Variants in WDR25 observed in about 807,000 individuals in gnomAD.
WDR25 encodes the protein WD repeat domain 25.
Under a neutral mutation model 47.7 loss-of-function variants are expected in WDR25, and 35 were observed. That is an observed-to-expected ratio of 0.73 (90% confidence interval 0.56 to 0.97). The LOEUF is 0.97. WDR25 is among the 50% of genes least tolerant of loss of function. The pLI is 0.00. For synonymous variants in WDR25, 248 were observed against 278.9 expected (o/e 0.89, Z 1.10); for missense variants, 634 against 704.7 (o/e 0.90, Z 1.14).
intron 2 of WDR25, among the ~76,000 whole-genome samples, chr14:100,406,222 T>A (rs1897534647): frequency 6.6e-6 from 1 of 152,210 alleles, no homozygotes; most frequent in Non-Finnish European, 1.5e-5. Context: ...AGCAGTCGGC[T>A]TCGGAGGCCC....
At chr14:100,487,049 C>T (rs1900411091) in intron 4 of WDR25, among the ~76,000 whole-genome samples, 1 of 151,920 alleles carries the variant, frequency 6.6e-6, no homozygotes, top group African/African-American at 2.4e-5. Context: ...TTTGTATACG[C>T]AATTTTGTGT....
At chr14:100,384,419 G>A (rs555194083) in intron 2 of WDR25, among the ~76,000 whole-genome samples, 36 of 152,290 alleles carry the variant, frequency 2.4e-4, no homozygotes, top group African/African-American at 8.2e-4. Context: ...AAGACAGATT[G>A]GGAACCGGCG....
intron 4 of WDR25, among the ~76,000 whole-genome samples, chr14:100,514,020 C>G (rs1456720840): frequency 6.6e-6 from 1 of 151,644 alleles, no homozygotes; most frequent in East Asian, 1.9e-4. Flanking sequence ...ACTGCAAGCT[C>G]CGCCTCCCGG....
At chr14:100,405,334 T>C (rs1897503737) in intron 2 of WDR25, among the ~76,000 whole-genome samples, 1 of 152,086 alleles carries the variant, frequency 6.6e-6, no homozygotes. Context: ...GCTAATTTTG[T>C]ATTTTTAGTA....
chr14:100,422,241 G>A (rs910091393), intron 2 of WDR25, among the ~76,000 whole-genome samples: 7 of 152,144 alleles, frequency 4.6e-5, no homozygotes, highest in African/African-American at 1.7e-4. Context: ...GCTGTCTGCT[G>A]GGACCCTGGC....
At chr14:100,387,142 G>T (rs1298565383) in intron 2 of WDR25, among the ~76,000 whole-genome samples, 1 of 151,896 alleles carries the variant, frequency 6.6e-6, no homozygotes, top group Non-Finnish European at 1.5e-5. Context: ...TAAGGTTGTT[G>T]CTGTAGAGCT....
At chr14:100,378,596 A>T (rs1418052581) in intron 1 of WDR25, among the ~76,000 whole-genome samples, 1 of 152,082 alleles carries the variant, frequency 6.6e-6, no homozygotes, top group Non-Finnish European at 1.5e-5. Context: ...ACACCTCAGG[A>T]CCTTAGCCTT....
At chr14:100,479,957 C>T (rs983001973) in intron 3 of WDR25, among the ~76,000 whole-genome samples, 1 of 152,206 alleles carries the variant, frequency 6.6e-6, no homozygotes, top group African/African-American at 2.4e-5. Context: ...GGGACAGTTT[C>T]ATCCCGAAAG....
chr14:100,470,382 C>T (rs953137279), intron 3 of WDR25, among the ~76,000 whole-genome samples: 1 of 152,142 alleles, frequency 6.6e-6, no homozygotes, highest in African/African-American at 2.4e-5. Flanking sequence ...TCACACACAC[C>T]GTCGGATTAC....
intron 4 of WDR25, among the ~76,000 whole-genome samples, chr14:100,497,591 C>T (rs563807131): frequency 8.4e-4 from 128 of 152,300 alleles, no homozygotes; most frequent in South Asian, 2.9e-3. Flanking sequence ...GTTTACTTTT[C>T]GAGTCCTCAG....
At chr14:100,473,806 C>G (rs903138255) in intron 3 of WDR25, among the ~76,000 whole-genome samples, 1 of 152,218 alleles carries the variant, frequency 6.6e-6, no homozygotes, top group Admixed American at 6.5e-5. Context: ...GAAGAAGTGC[C>G]GTGGAGGGGC....
chr14:100,399,084 C>T (rs1264187199), intron 2 of WDR25, among the ~76,000 whole-genome samples: 8 of 148,752 alleles, frequency 5.4e-5, no homozygotes, highest in Non-Finnish European at 1.2e-4. Context: ...TTCCTTTTTT[C>T]TTTTTTTTTT....
chr14:100,390,854 T>G (rs1897128993), intron 2 of WDR25, among the ~76,000 whole-genome samples: 1 of 152,214 alleles, frequency 6.6e-6, no homozygotes. Flanking sequence ...ATTATTACCT[T>G]TTGAAAATGT....
chr14:100,447,267 A>G (rs542928227), intron 2 of WDR25, among the ~76,000 whole-genome samples: 3 of 152,302 alleles, frequency 2.0e-5, no homozygotes, highest in African/African-American at 7.2e-5. Context: ...TTTAGAAGTG[A>G]TTAGACTTGG....
chr14:100,481,238 T>G (rs761282568), intron 3 of WDR25: 26 of 564,696 alleles, frequency 4.6e-5, no homozygotes, highest in Non-Finnish European at 8.6e-5. Flanking sequence ...GAGTCCAGCC[T>G]CTGATGAAGC....
rs1291022842 is a variant in WDR25, at chr14:100,459,911, T to C, written c.823-8110T>C. On this transcript the variant is annotated intron_variant, in intron 2 of 6. Transcript: ENST00000402312. ...GTGTGTGTGTATATATATATATATA[T>C]ATATATATATATATATATATATATA... Among the ~76,000 whole-genome samples, 98 of 89,772 alleles carry C rather than the reference T, an allele frequency of 1.1e-3. 4 individuals are homozygous for C. The highest frequency in any genetic ancestry group is 4.9e-3 in the African/African-American group (93 of 19,048). The allele number at this position is 89,772 out of a possible 152,430, so 58.9% of individuals were successfully genotyped here.
Position 100,395,817 on chromosome 14 carries a change from A to G in WDR25, c.822+14071A>G, listed in dbSNP as rs190435146. 2.9e-4 allele frequency among the ~76,000 whole-genome samples: 44 copies of G among 152,190 alleles called. 1 individual carries two copies. The East Asian group carries it at 7.2e-3, about 25-fold the overall frequency. On this transcript the variant is annotated intron_variant, in intron 2 of 6. Transcript: ENST00000402312. ...ATGTAGAGAATCTTGGAGGGGTCCA[A>G]CTGCACTCCCCCACCCACCCCTCAC... is the stretch of plus-strand genomic sequence containing the variant.
chr14:100,397,336 C>T (rs1897282816), intron 2 of WDR25, among the ~76,000 whole-genome samples: 1 of 152,206 alleles, frequency 6.6e-6, no homozygotes, highest in Admixed American at 6.5e-5. Context: ...TTACTTCCTT[C>T]ACTTCTTACA....
rs1897577080 is a variant in WDR25 at position 100,407,531 on chromosome 14, C to G, written c.822+25785C>G. 6.6e-6 allele frequency: 1 copy of G among 152,382 alleles called. No individual in the cohort carries two copies. Among genetic ancestry groups the G allele is most frequent in the Non-Finnish European group, 1.5e-5 (1 of 68,188 alleles). 9.4% of individuals were successfully genotyped at this position (152,382 alleles called of 1,614,324 possible). A position where few individuals can be genotyped will look rare whatever the true frequency, so the allele number is the denominator to read the frequency against. On this transcript the variant is annotated intron_variant, in intron 2 of 6. Coordinates refer to ENST00000402312, the MANE Select transcript of WDR25 (RefSeq NM_001161476.3). The surrounding 1 kb of genome is among the most constrained non-coding windows in gnomAD (Gnocchi z 4.1). ...GGATGGTTTTAGGCCCTTCTGCCCC[C>G]TTTGTCAGTGTGCCCTTGTGGGAAG...
Sources: allele counts gnomAD v4.1 joint callset (sites outside exome capture counted in the v4.1 genomes callset), GRCh38; gene constraint gnomAD v4.1.1; non-coding constraint Gnocchi (gnomAD v3.1); transcripts MANE v1.5; gene names NCBI Gene and HGNC (gene_info 2026-07-23, HGNC 2026-07-21).